The following USP54 variants were observed in gnomAD, a reference collection of about 807,000 sequenced individuals.
The protein encoded by USP54 is ubiquitin carboxyl-terminal hydrolase 54.
Under a neutral mutation model 170.5 loss-of-function variants are expected in USP54, and 87 were observed. The observed-to-expected ratio is 0.51, with a 90% confidence interval of 0.43 to 0.61. USP54 has a LOEUF of 0.61. USP54 is among the 20% of genes least tolerant of loss of function. USP54 has a pLI of 0.00. For missense variants in USP54, 1,786 were observed against 2,047.8 expected, an observed-to-expected ratio of 0.87 and a Z score of 2.47; for synonymous variants, 655 against 742.8, an observed-to-expected ratio of 0.88 and a Z score of 1.92.
At chr10:73,604,998 A>T (rs2079505769) in intron 1 of USP54, among the ~76,000 whole-genome samples, 1 of 152,116 alleles carries the variant, frequency 6.6e-6, no homozygotes, top group Non-Finnish European at 1.5e-5. Flanking sequence ...TTTACAGAGT[A>T]CTGATTGGTC....
intron 20 of USP54, among the ~76,000 whole-genome samples, chr10:73,511,971 C>A (rs1345270007): frequency 6.6e-6 from 1 of 151,904 alleles, no homozygotes; most frequent in Non-Finnish European, 1.5e-5. Context: ...GTCTCGAACT[C>A]CTGACCTCAG....
At chr10:73,572,682 A>G (rs2075411866) in intron 3 of USP54, among the ~76,000 whole-genome samples, 1 of 152,212 alleles carries the variant, frequency 6.6e-6, no homozygotes, top group Admixed American at 6.5e-5. Flanking sequence ...TCATAACAAC[A>G]ATTATTTTCA....
intron 4 of USP54, among the ~76,000 whole-genome samples, chr10:73,557,687 T>C (rs955857851): frequency 2.0e-5 from 3 of 151,768 alleles, no homozygotes; most frequent in African/African-American, 7.3e-5. Context: ...GGTTTCACCA[T>C]GTTGGCCAGG....
At chr10:73,621,595 G>C (rs1360748349) in intron 1 of USP54, among the ~76,000 whole-genome samples, 1 of 119,774 alleles carries the variant, frequency 8.3e-6, no homozygotes, top group Non-Finnish European at 1.6e-5. Flanking sequence ...GGGACACTCC[G>C]TCTCAAAAAA....
Position 73,530,495 on chromosome 10 carries a change from A to G in USP54, c.1476T>C (p.Pro492=). The G allele has an allele frequency of 6.2e-7, 1 of 1,610,986 alleles. No individual in the cohort carries two copies. Among genetic ancestry groups the G allele is most frequent in the Non-Finnish European group, 8.5e-7 (1 of 1,179,090 alleles). ...EGETLKEKQA[P]RNASKPSSST... ...TGCTGGATGGTTTGGAGGCATTTCT[A>G]GGAGCCTGCTTCTCTTTCAGTGTTT... The change falls in exon 14 of 24, where the codon CCT becomes CCC. Residue 492 remains proline (P), a synonymous_variant. Coordinates refer to ENST00000687698, the MANE Select transcript of USP54 (RefSeq NM_001391956.1).
intron 3 of USP54, among the ~76,000 whole-genome samples, chr10:73,574,525 C>T (rs2075796631): frequency 6.6e-6 from 1 of 152,122 alleles, no homozygotes; most frequent in Admixed American, 6.5e-5. Flanking sequence ...ACCTGTAATC[C>T]CAGCACCTTG....
At position 73,502,604 on chromosome 10, in the gene USP54, C is replaced by T. The variant is rs530359371; in HGVS notation, c.4312-1766G>A. Among the ~76,000 whole-genome samples, 71 of 152,310 alleles carry T rather than the reference C, an allele frequency of 4.7e-4. 1 individual carries two copies. The highest frequency in any genetic ancestry group is 3.4e-3 in the Middle Eastern group (1 of 294). ...CTGGGATTACAGGCGTGAGCCACCG[C>T]GCCCGGCTATTCCTTTCTTCTTGAA... On this transcript the variant is annotated intron_variant, in intron 22 of 23. Transcript: ENST00000687698.
chr10:73,587,967 C>A (rs1386983956), intron 1 of USP54, among the ~76,000 whole-genome samples: 1 of 152,092 alleles, frequency 6.6e-6, no homozygotes, highest in African/African-American at 2.4e-5. Flanking sequence ...ACGCAGAATA[C>A]TTAGGGCCAG....
rs576084418 is a variant in USP54 at position 73,612,985 on chromosome 10, G to A, written c.-18+12582C>T. 6.6e-5 allele frequency among the ~76,000 whole-genome samples: 10 copies of A among 151,846 alleles called. No individual in the cohort carries two copies. The East Asian group carries it at 9.7e-4, about 15-fold the overall frequency. On this transcript the variant is annotated intron_variant, in intron 1 of 22. Transcript: ENST00000339859. ...AGCCTTGGCAACATGGTGAGGCCCC[G>A]TCTCTCCAAGAAACACAAAAAATTA...
At chr10:73,613,589 C>A (rs2080345665) in intron 1 of USP54, among the ~76,000 whole-genome samples, 2 of 151,922 alleles carry the variant, frequency 1.3e-5, no homozygotes, top group Admixed American at 6.6e-5. Context: ...ATATGACTAT[C>A]TTGAAAACCC....
rs144973543 is a variant in USP54, at chr10:73,590,848, C to T, written c.-582+430G>A. ...CTTTCCAATTTAGCCACAAAATAGG[C>T]TCTTTTTTCTTCATTACTACTTTAA... On this transcript the variant is annotated intron_variant, in intron 1 of 23. Coordinates refer to ENST00000687698, the MANE Select transcript of USP54 (RefSeq NM_001391956.1). Among the ~76,000 whole-genome samples, 736 of 152,250 alleles carry T rather than the reference C, an allele frequency of 4.8e-3. 3 individuals carry two copies. The highest frequency in any genetic ancestry group is 0.011 in the South Asian group (51 of 4,830).
At chr10:73,549,500 C>G (rs1336721880) in intron 4 of USP54, among the ~76,000 whole-genome samples, 1 of 152,194 alleles carries the variant, frequency 6.6e-6, no homozygotes, top group African/African-American at 2.4e-5. Context: ...TCAGTAAACA[C>G]CGCCACCATC....
At chr10:73,603,532 T>C (rs111268399) in intron 1 of USP54, among the ~76,000 whole-genome samples, 6 of 152,134 alleles carry the variant, frequency 3.9e-5, no homozygotes, top group African/African-American at 9.6e-5. Context: ...TTGGCCAACA[T>C]GGCGAAACCC....
intron 10 of USP54, among the ~76,000 whole-genome samples, chr10:73,537,480 T>C (rs1051813389): frequency 4.6e-5 from 7 of 152,252 alleles, no homozygotes; most frequent in Admixed American, 1.3e-4. Context: ...GCAGATCACA[T>C]AAGCCACTTC....
chr10:73,588,824 C>T (rs977242753), intron 1 of USP54, among the ~76,000 whole-genome samples: 3 of 152,166 alleles, frequency 2.0e-5, no homozygotes, highest in Non-Finnish European at 2.9e-5. Context: ...TCTCAATCAA[C>T]GAATGCTCCT....
chr10:73,498,875 C>A lies in USP54; in HGVS notation c.4809G>T (p.Val1603=), dbSNP rs780500223. The A allele has an allele frequency of 6.5e-7, 1 of 1,541,538 alleles. No individual in the cohort carries two copies. Among genetic ancestry groups the A allele is most frequent in the Admixed American group, 1.7e-5 (1 of 59,654 alleles). The part of the protein sequence containing the change: ...SPSHPPIVHP[V]YPPSSSLHVP... ...CATGAAGACTGCTAGATGGTGGGTA[C>A]ACAGGATGAACAATGGGAGGGTGGG... The change falls in exon 24 of 24, where the codon GTG becomes GTT. Residue 1603 remains valine (V), a synonymous_variant. Transcript: ENST00000687698.
chr10:73,508,155 C>T (rs1329972206), intron 20 of USP54, among the ~76,000 whole-genome samples: 1 of 152,140 alleles, frequency 6.6e-6, no homozygotes, highest in African/African-American at 2.4e-5. Context: ...TGCCTGTAAT[C>T]CCAACACTTT....
chr10:73,536,337 G>A lies in USP54; in HGVS notation c.1076C>T (p.Thr359Ile), dbSNP rs1236449790. 2.5e-6 allele frequency: 4 copies of A among 1,614,108 alleles called. No individual in the cohort carries two copies. Among genetic ancestry groups the A allele is most frequent in the East Asian group, 2.2e-5 (1 of 44,882 alleles). The stretch of plus-strand genomic sequence containing the variant: ...CTCAGCTTGGGGAGGCAGGTCCTGG[G>A]TGGAAACTGGGGTACCCTGGGGATC... Reference protein sequence around the residue: ...YADPQGTPVSTQDLPPQAEFQ... With the variant: ...YADPQGTPVSIQDLPPQAEFQ... Residue 359 changes from threonine (T) to isoleucine (I), a missense_variant, in exon 11 of 24, where the codon ACC becomes ATC. Thr to Ile is a moderately conservative substitution (Grantham distance 89, BLOSUM62 -1). Transcript: ENST00000687698.
chr10:73,511,965 C>T (rs1286108764), intron 20 of USP54, among the ~76,000 whole-genome samples: 4 of 151,750 alleles, frequency 2.6e-5, no homozygotes, highest in Non-Finnish European at 5.9e-5. Context: ...AGGCTGGTCT[C>T]GAACTCCTGA....
Sources: gnomAD v4.1 joint callset for allele counts (sites outside exome capture counted in the v4.1 genomes callset) on GRCh38, gnomAD v4.1.1 for gene constraint, MANE v1.5 for transcripts, NCBI Gene and HGNC (gene_info 2026-07-23, HGNC 2026-07-21) for gene names.